CCDC91: variants seen among roughly 807,000 people sequenced by gnomAD.
CCDC91 encodes the protein coiled-coil domain-containing protein 91.
Under a neutral mutation model 63.2 loss-of-function variants are expected in CCDC91, and 48 were observed. The observed-to-expected ratio is 0.76, with a 90% confidence interval of 0.60 to 0.97. The LOEUF (loss-of-function observed/expected upper bound fraction) is 0.97. CCDC91 is among the 50% of genes least tolerant of loss of function. The probability of loss-of-function intolerance (pLI) is 0.00; values close to 1 mark genes in which losing one functional copy is unlikely to be tolerated. For synonymous variants in CCDC91, 167 were observed against 165.8 expected, an observed-to-expected ratio of 1.01 and a Z score of -0.06; for missense variants, 500 against 494.6, an observed-to-expected ratio of 1.01 and a Z score of -0.10.
chr12:28,509,560 A>G (rs1255421008), intron 12 of CCDC91, among the ~76,000 whole-genome samples: 1 of 151,898 alleles, frequency 6.6e-6, no homozygotes, highest in Non-Finnish European at 1.5e-5. Context: ...TGAGTGACTT[A>G]AAGGGTTTTA....
chr12:28,415,880 T>C, intron 8 of CCDC91, among the ~76,000 whole-genome samples: 1 of 152,118 alleles, frequency 6.6e-6, no homozygotes, highest in Non-Finnish European at 1.5e-5. Context: ...GCAAATTAAG[T>C]CTGGTTTTGT....
intron 7 of CCDC91, among the ~76,000 whole-genome samples, chr12:28,377,793 C>G (rs1945041777): frequency 6.6e-6 from 1 of 151,894 alleles, no homozygotes; most frequent in Non-Finnish European, 1.5e-5. Context: ...CACACAAACT[C>G]ATTTTGCATT....
chr12:28,503,589 A>G (rs1487422632), intron 12 of CCDC91, among the ~76,000 whole-genome samples: 4 of 152,218 alleles, frequency 2.6e-5, no homozygotes, highest in African/African-American at 9.7e-5. Context: ...CACTGGGTAT[A>G]TACCCAAAGG....
chr12:28,438,400 C>G (rs1228922766), intron 8 of CCDC91, among the ~76,000 whole-genome samples: 1 of 152,092 alleles, frequency 6.6e-6, no homozygotes, highest in Admixed American at 6.6e-5. Flanking sequence ...ATCTTTGAAG[C>G]AGAGAACAGG....
At chr12:28,231,066 T>C (rs192406248) in intron 1 of CCDC91, among the ~76,000 whole-genome samples, 3 of 152,332 alleles carry the variant, frequency 2.0e-5, no homozygotes, top group Admixed American at 2.0e-4. Context: ...TAGGACACTA[T>C]ACTAGAGGCT....
At chr12:28,458,492 T>A (rs12300022) in intron 11 of CCDC91, among the ~76,000 whole-genome samples, 1 of 116,842 alleles carries the variant, frequency 8.6e-6, no homozygotes, top group African/African-American at 2.9e-5. Flanking sequence ...TTTTTTAAGA[T>A]GGAGTCTCAC....
intron 6 of CCDC91, among the ~76,000 whole-genome samples, chr12:28,315,153 G>GTATATATA (rs10630087): frequency 2.7e-5 from 4 of 147,998 alleles, no homozygotes; most frequent in Non-Finnish European, 4.5e-5. Flanking sequence ...TGTGTCAGTT[G>GTATATATA]TATATATATA....
intron 7 of CCDC91, among the ~76,000 whole-genome samples, chr12:28,369,855 C>A (rs1944502703): frequency 6.6e-6 from 1 of 152,184 alleles, no homozygotes; most frequent in Non-Finnish European, 1.5e-5. Flanking sequence ...CCGAGCTGTA[C>A]CTTGGCCCTT....
intron 7 of CCDC91, among the ~76,000 whole-genome samples, chr12:28,386,613 C>T (rs1565894220): frequency 6.6e-6 from 1 of 152,114 alleles, no homozygotes; most frequent in African/African-American, 2.4e-5. Context: ...GTGATCCGCC[C>T]GCCTCGGCCT....
chr12:28,486,230 G>A (rs1951718071), intron 12 of CCDC91, among the ~76,000 whole-genome samples: 1 of 152,194 alleles, frequency 6.6e-6, no homozygotes, highest in South Asian at 2.1e-4. Context: ...AAACCATGCA[G>A]TATGTGTCTT....
chr12:28,506,185 AT>A (rs1432126429), intron 12 of CCDC91, among the ~76,000 whole-genome samples: 1 of 151,966 alleles, frequency 6.6e-6, no homozygotes, highest in Non-Finnish European at 1.5e-5. Flanking sequence ...GGAAAAGGGA[AT>A]TTGTTGAAAG....
chr12:28,545,532 C>G (rs1942929496), intron 12 of CCDC91, among the ~76,000 whole-genome samples: 1 of 152,062 alleles, frequency 6.6e-6, no homozygotes, highest in Admixed American at 6.6e-5. Context: ...CTCTGTTTTC[C>G]TCCTCATACA....
At chr12:28,486,622 A>C (rs1251184349) in intron 12 of CCDC91, among the ~76,000 whole-genome samples, 6 of 152,104 alleles carry the variant, frequency 3.9e-5, no homozygotes, top group African/African-American at 1.4e-4. Flanking sequence ...TGCCTATAAT[A>C]AGAATAAGAA....
chr12:28,537,977 T>TAG (rs1377296565), intron 12 of CCDC91, among the ~76,000 whole-genome samples: 1 of 152,192 alleles, frequency 6.6e-6, no homozygotes, highest in Non-Finnish European at 1.5e-5. Flanking sequence ...AAGTACATAT[T>TAG]AGAGAGGCAA....
intron 7 of CCDC91, among the ~76,000 whole-genome samples, chr12:28,366,581 C>T (rs1181732783): frequency 6.6e-6 from 1 of 152,182 alleles, no homozygotes; most frequent in Non-Finnish European, 1.5e-5. Flanking sequence ...AGGCAGGGAA[C>T]TAGGACTTTA....
chr12:28,266,056 T>A (rs1307323461), intron 3 of CCDC91, among the ~76,000 whole-genome samples: 1 of 152,050 alleles, frequency 6.6e-6, no homozygotes, highest in Non-Finnish European at 1.5e-5. Context: ...ACTCACCTTC[T>A]TTTACTCTGG....
intron 1 of CCDC91, among the ~76,000 whole-genome samples, chr12:28,220,626 T>G (rs748325216): frequency 2.0e-5 from 3 of 152,062 alleles, no homozygotes; most frequent in Non-Finnish European, 4.4e-5. Flanking sequence ...AGTACAGGTC[T>G]GGTGGCAAAT....
chr12:28,380,184 G>A (rs536431446), intron 7 of CCDC91, among the ~76,000 whole-genome samples: 4 of 152,160 alleles, frequency 2.6e-5, no homozygotes, highest in African/African-American at 7.2e-5. Flanking sequence ...GGGGTTGGGG[G>A]GCTGGGGTAG....
chr12:28,519,562 T>C (rs1940355656), intron 12 of CCDC91, among the ~76,000 whole-genome samples: 1 of 150,268 alleles, frequency 6.7e-6, no homozygotes, highest in Admixed American at 6.6e-5. Context: ...TCTCTTTTCT[T>C]TTTTTTTTCT....
Sources: gnomAD v4.1 joint callset for allele counts (sites outside exome capture counted in the v4.1 genomes callset) on GRCh38, gnomAD v4.1.1 for gene constraint, MANE v1.5 for transcripts, NCBI Gene and HGNC (gene_info 2026-07-23, HGNC 2026-07-21) for gene names.